The following STX8 variants were observed in gnomAD, a reference collection of about 807,000 sequenced individuals.
The protein encoded by STX8 is syntaxin 8.
In STX8, 23 loss-of-function variants were observed where a neutral mutation model predicts 37.5. That is an observed-to-expected ratio of 0.61 (90% CI 0.44 to 0.87). STX8 has a LOEUF of 0.87. Ranked by LOEUF, STX8 falls within the 40% of genes least tolerant of loss-of-function variation. STX8 has a pLI of 0.00. For missense variants in STX8, 313 were observed against 284.7 expected, an observed-to-expected ratio of 1.10 and a Z score of -0.71; for synonymous variants, 115 against 99.1, an observed-to-expected ratio of 1.16 and a Z score of -0.95.
chr17:9,502,844 T>C (rs1904669620), intron 5 of STX8, among the ~76,000 whole-genome samples: 1 of 152,090 alleles, frequency 6.6e-6, no homozygotes, highest in Non-Finnish European at 1.5e-5. Flanking sequence ...GGCTCATGCC[T>C]GTAATCCCAG....
intron 6 of STX8, among the ~76,000 whole-genome samples, chr17:9,410,860 G>A (rs1912956251): frequency 6.6e-6 from 1 of 152,112 alleles, no homozygotes; most frequent in Non-Finnish European, 1.5e-5. Flanking sequence ...CAAAACTTAT[G>A]TGTACAGTTT....
At chr17:9,409,001 G>A (rs1332905715) in intron 6 of STX8, among the ~76,000 whole-genome samples, 1 of 151,698 alleles carries the variant, frequency 6.6e-6, no homozygotes, top group Non-Finnish European at 1.5e-5. Flanking sequence ...TTAAGCCCAG[G>A]TTCTCCCTAC....
intron 6 of STX8, among the ~76,000 whole-genome samples, chr17:9,389,686 C>T (rs148527520): frequency 1.4e-4 from 22 of 152,128 alleles, no homozygotes; most frequent in African/African-American, 4.8e-4. Flanking sequence ...ATACTCATAA[C>T]GGACTCATAA....
intron 4 of STX8, among the ~76,000 whole-genome samples, chr17:9,533,364 A>T (rs1307639334): frequency 6.6e-6 from 1 of 152,100 alleles, no homozygotes; most frequent in Non-Finnish European, 1.5e-5. Flanking sequence ...GCTACTTGGG[A>T]GCTGAGGCAG....
intron 6 of STX8, among the ~76,000 whole-genome samples, chr17:9,400,398 CTTAT>C (rs1286039044): frequency 7.4e-6 from 1 of 135,432 alleles, no homozygotes; most frequent in South Asian, 2.9e-4. Context: ...CCGCACCAGG[CTTAT>C]TTATTTATTT....
chr17:9,431,991 A>G (rs555479978), intron 6 of STX8, among the ~76,000 whole-genome samples: 10 of 152,298 alleles, frequency 6.6e-5, no homozygotes, highest in African/African-American at 2.4e-4. Flanking sequence ...AAAATCAAAC[A>G]TTTCAAAAAT....
At chr17:9,371,794 C>T (rs575612072) in intron 7 of STX8, among the ~76,000 whole-genome samples, 13 of 151,982 alleles carry the variant, frequency 8.6e-5, no homozygotes, top group South Asian at 6.2e-4. Context: ...TTATAGTTTT[C>T]GGGTTTCTTA....
chr17:9,448,360 G>C (rs1904926181), intron 6 of STX8, among the ~76,000 whole-genome samples: 1 of 152,186 alleles, frequency 6.6e-6, no homozygotes, highest in African/African-American at 2.4e-5. Flanking sequence ...CTGAGGCTGA[G>C]CAAGGCAACG....
chr17:9,388,365 C>T (rs555312263), intron 6 of STX8, among the ~76,000 whole-genome samples: 2 of 151,208 alleles, frequency 1.3e-5, no homozygotes, highest in African/African-American at 4.8e-5. Flanking sequence ...AGCCACCATG[C>T]CCGGCCTAAA....
chr17:9,485,752 A>T (rs1011866624), intron 6 of STX8, among the ~76,000 whole-genome samples: 1 of 151,902 alleles, frequency 6.6e-6, no homozygotes, highest in Non-Finnish European at 1.5e-5. Context: ...CACCCAGCTA[A>T]TTTTTTTATT....
At chr17:9,433,454 A>T (rs571779260) in intron 6 of STX8, among the ~76,000 whole-genome samples, 1 of 152,234 alleles carries the variant, frequency 6.6e-6, no homozygotes, top group African/African-American at 2.4e-5. Context: ...CCACAATATC[A>T]CTCATGAAAA....
intron 4 of STX8, among the ~76,000 whole-genome samples, chr17:9,535,039 A>G (rs1905971418): frequency 6.6e-6 from 1 of 151,598 alleles, no homozygotes; most frequent in Admixed American, 6.8e-5. Context: ...CAGTCACAAA[A>G]ATAGAATAGA....
At chr17:9,379,491 G>T (rs1413976414) in intron 6 of STX8, among the ~76,000 whole-genome samples, 1 of 152,176 alleles carries the variant, frequency 6.6e-6, no homozygotes, top group Non-Finnish European at 1.5e-5. Context: ...GTCAGTGGTT[G>T]CGAGTGGGGA....
chr17:9,525,006 A>C (rs951290725), intron 4 of STX8, among the ~76,000 whole-genome samples: 18 of 152,026 alleles, frequency 1.2e-4, no homozygotes, highest in Non-Finnish European at 2.2e-4. Flanking sequence ...ATGGGGTTTC[A>C]CCATGTTGCC....
At chr17:9,423,567 G>A (rs763245034) in intron 6 of STX8, among the ~76,000 whole-genome samples, 3 of 152,092 alleles carry the variant, frequency 2.0e-5, no homozygotes, top group Admixed American at 6.5e-5. Flanking sequence ...CTTGTCATCC[G>A]CCCGCTTCAG....
chr17:9,402,994 A>G (rs1912678268), intron 6 of STX8, among the ~76,000 whole-genome samples: 1 of 152,180 alleles, frequency 6.6e-6, no homozygotes, highest in African/African-American at 2.4e-5. Flanking sequence ...CTGCCTCGCC[A>G]CAGCCCTCCT....
intron 1 of STX8, among the ~76,000 whole-genome samples, chr17:9,571,319 G>A (rs950880909): frequency 6.6e-6 from 1 of 152,112 alleles, no homozygotes; most frequent in Non-Finnish European, 1.5e-5. Context: ...TGACTCAACT[G>A]GTATGGGGTT....
rs560019498 is a variant in STX8, at chr17:9,443,472, A to AG, written c.541+48356dup. Among the ~76,000 whole-genome samples, 15 of 152,260 alleles carry AG rather than the reference A, an allele frequency of 9.9e-5. No individual in the cohort carries two copies. In the East Asian group the frequency reaches 1.4e-3, roughly 14 times the overall value. ...GCGAGTTCATGTGGTATGATATTGG[A>AG]GGGTACCACTAAGCTCACCTAATAA... On this transcript the variant is annotated intron_variant, in intron 6 of 7. Transcript: ENST00000306357.
intron 6 of STX8, among the ~76,000 whole-genome samples, chr17:9,425,145 C>A (rs926979190): frequency 6.6e-6 from 1 of 152,148 alleles, no homozygotes; most frequent in Non-Finnish European, 1.5e-5. Flanking sequence ...AAATAATGAG[C>A]AAATCTGGCC....
Sources: gnomAD v4.1 joint callset for allele counts (sites outside exome capture counted in the v4.1 genomes callset) on GRCh38, gnomAD v4.1.1 for gene constraint, MANE v1.5 for transcripts, NCBI Gene and HGNC (gene_info 2026-07-23, HGNC 2026-07-21) for gene names.